Variants in GPR39 observed in about 807,000 individuals in gnomAD.
The protein encoded by GPR39 is G protein-coupled receptor 39.
A neutral mutation model predicts 18.4 loss-of-function variants in GPR39; 23 were observed. The ratio of observed to expected loss-of-function variants is 1.25; its 90% CI spans 0.90 to 1.77. The LOEUF is 1.77. Among genes scored for constraint, GPR39 ranks in the 40% most tolerant of loss-of-function variants. GPR39 has a pLI of 0.00. For missense variants in GPR39, 647 were observed against 602.4 expected, an observed-to-expected ratio of 1.07 and a Z score of -0.78; for synonymous variants, 280 against 257.9, an observed-to-expected ratio of 1.09 and a Z score of -0.82.
chr2:132,561,856 G>T (rs1252942130), intron 1 of GPR39, among the ~76,000 whole-genome samples: 1 of 152,180 alleles, frequency 6.6e-6, no homozygotes, highest in Non-Finnish European at 1.5e-5. Context: ...CATTCAGGCA[G>T]GAGGAGCTCC....
intron 1 of GPR39, among the ~76,000 whole-genome samples, chr2:132,434,273 A>C (rs7425758): frequency 0.21 from 32,606 of 151,994 alleles, 3,661 homozygotes; most frequent in African/African-American, 0.26. Flanking sequence ...ATAATCAGGA[A>C]CTCCTTTATT....
chr2:132,548,335 T>C (rs1679984615), intron 1 of GPR39, among the ~76,000 whole-genome samples: 1 of 152,246 alleles, frequency 6.6e-6, no homozygotes, highest in Non-Finnish European at 1.5e-5. Context: ...GGTCTTACCC[T>C]TAAATAATAT....
chr2:132,427,543 TTATACA>T (rs921364099), intron 1 of GPR39, among the ~76,000 whole-genome samples: 3 of 150,814 alleles, frequency 2.0e-5, no homozygotes, highest in African/African-American at 7.3e-5. Flanking sequence ...ACATAATATC[TTATACA>T]TATAATTCTT....
chr2:132,458,049 G>C (rs184276164), intron 1 of GPR39, among the ~76,000 whole-genome samples: 85 of 152,332 alleles, frequency 5.6e-4, no homozygotes, highest in African/African-American at 1.9e-3. Flanking sequence ...GGCTTCCCTT[G>C]GCTAGGAAAG....
chr2:132,564,503 T>C (rs1352086302), intron 1 of GPR39, among the ~76,000 whole-genome samples: 1 of 152,194 alleles, frequency 6.6e-6, no homozygotes, highest in Non-Finnish European at 1.5e-5. Context: ...CCAACCTGAG[T>C]TGGCGCACTG....
chr2:132,610,211 A>G (rs755905275), intron 1 of GPR39, among the ~76,000 whole-genome samples: 2 of 152,042 alleles, frequency 1.3e-5, no homozygotes, highest in Admixed American at 6.5e-5. Context: ...AAATACTTAC[A>G]TGCTTCTGGT....
At chr2:132,418,287 TC>T in intron 1 of GPR39, among the ~76,000 whole-genome samples, 1 of 152,246 alleles carries the variant, frequency 6.6e-6, no homozygotes, top group East Asian at 1.9e-4. Flanking sequence ...AAGACCAAGT[TC>T]TGCAGAGATA....
intron 1 of GPR39, among the ~76,000 whole-genome samples, chr2:132,511,818 A>T (rs1015912498): frequency 2.2e-4 from 33 of 152,206 alleles, no homozygotes; most frequent in African/African-American, 7.7e-4. Flanking sequence ...TGCTAATGTC[A>T]TCCCCATTTT....
chr2:132,546,537 G>T (rs1435671634), intron 1 of GPR39, among the ~76,000 whole-genome samples: 1 of 152,174 alleles, frequency 6.6e-6, no homozygotes, highest in Non-Finnish European at 1.5e-5. Context: ...TGAATTGTAA[G>T]TTGCCTAAGA....
intron 1 of GPR39, among the ~76,000 whole-genome samples, chr2:132,419,267 G>A (rs1679965290): frequency 6.6e-6 from 1 of 152,202 alleles, no homozygotes; most frequent in African/African-American, 2.4e-5. Context: ...CTCTGCATTA[G>A]GGGCTGTGCC....
At chr2:132,422,351 C>A (rs1274170985) in intron 1 of GPR39, among the ~76,000 whole-genome samples, 1 of 152,162 alleles carries the variant, frequency 6.6e-6, no homozygotes, top group African/African-American at 2.4e-5. Flanking sequence ...AAATTCTGTA[C>A]CCTGTGTGCA....
intron 1 of GPR39, among the ~76,000 whole-genome samples, chr2:132,560,974 C>A (rs111267511): frequency 6.7e-5 from 10 of 150,190 alleles, no homozygotes; most frequent in Admixed American, 4.7e-4. Flanking sequence ...TGTGTAGTGG[C>A]GCCATCTCTA....
At position 132,640,301 on chromosome 2, in the gene GPR39, T is replaced by G. The variant is rs546975823; in HGVS notation, c.857-4800T>G. 3.3e-5 allele frequency among the ~76,000 whole-genome samples: 5 copies of G among 152,336 alleles called. No homozygotes were observed. The South Asian group carries it at 6.2e-4, about 19-fold the overall frequency. Reference sequence around the variant, plus strand: ...AAATGTCAGGCTTCAGTGCAGGGTGTTGTTAGACATCTGCATTTCTTCTGT... The same window carrying G: ...AAATGTCAGGCTTCAGTGCAGGGTGGTGTTAGACATCTGCATTTCTTCTGT... On this transcript the variant is annotated intron_variant, in intron 1 of 1. Transcript: ENST00000329321.
chr2:132,512,826 C>A (rs536332227), intron 1 of GPR39, among the ~76,000 whole-genome samples: 1 of 152,356 alleles, frequency 6.6e-6, no homozygotes, highest in African/African-American at 2.4e-5. Context: ...ATGCATATTT[C>A]AAGTATTTCT....
chr2:132,534,881 C>A (rs950733395), intron 1 of GPR39, among the ~76,000 whole-genome samples: 1 of 151,860 alleles, frequency 6.6e-6, no homozygotes, highest in Admixed American at 6.6e-5. Flanking sequence ...GGAGATATAC[C>A]TAATGCTAAA....
At chr2:132,457,024 C>A (rs1680741400) in intron 1 of GPR39, among the ~76,000 whole-genome samples, 1 of 152,198 alleles carries the variant, frequency 6.6e-6, no homozygotes, top group South Asian at 2.1e-4. Context: ...GAATGCTGGC[C>A]TGCCTTGCTA....
intron 1 of GPR39, among the ~76,000 whole-genome samples, chr2:132,467,335 C>T (rs559379502): frequency 2.0e-5 from 3 of 152,166 alleles, no homozygotes; most frequent in Admixed American, 1.3e-4. Flanking sequence ...TGCATGTTCT[C>T]GCTTATAAGT....
intron 1 of GPR39, among the ~76,000 whole-genome samples, chr2:132,642,462 T>C (rs1681873817): frequency 6.6e-6 from 1 of 152,210 alleles, no homozygotes; most frequent in African/African-American, 2.4e-5. Context: ...TGGGTCTTGC[T>C]TTTTACTGAA....
At chr2:132,579,446 T>C (rs1680587457) in intron 1 of GPR39, among the ~76,000 whole-genome samples, 1 of 152,018 alleles carries the variant, frequency 6.6e-6, no homozygotes, top group South Asian at 2.1e-4. Flanking sequence ...CTGTGTGGAG[T>C]GTTTTATAAA....
Sources: allele counts gnomAD v4.1 joint callset (sites outside exome capture counted in the v4.1 genomes callset), GRCh38; gene constraint gnomAD v4.1.1; transcripts MANE v1.5; gene names NCBI Gene and HGNC (gene_info 2026-07-23, HGNC 2026-07-21).